SLC29A2: variants seen among roughly 807,000 people sequenced by gnomAD.
SLC29A2 encodes equilibrative nucleoside transporter 2.
SLC29A2 carries 37 observed loss-of-function variants against 48.8 expected under a neutral mutation model. The observed-to-expected ratio is 0.76, with a 90% CI of 0.58 to 1.00. The LOEUF (loss-of-function observed/expected upper bound fraction) is 1.00, where lower values mean the gene tolerates loss of function less well. Ranked by LOEUF, SLC29A2 falls within the 50% of genes least tolerant of loss-of-function variation. The probability of loss-of-function intolerance (pLI) is 0.00; values close to 1 mark genes in which losing one functional copy is unlikely to be tolerated. For synonymous variants in SLC29A2, 233 were observed against 261.7 expected (o/e 0.89, Z 1.06); for missense variants, 533 against 578.6 (o/e 0.92, Z 0.81).
chr11:66,362,793 C>T lies in SLC29A2; in HGVS notation c.*643G>A, dbSNP rs1010229948. The stretch of plus-strand genomic sequence containing the variant: ...ACTCCTTCCAAGAGCCTCAATTAGG[C>T]TTCGGTGAGAGAGTGGGTATGGAAG... On this transcript the variant is annotated 3_prime_UTR_variant, in exon 12 of 12. Transcript: ENST00000357440. 6.5e-6 allele frequency: 1 copy of T among 154,622 alleles called. No homozygotes were observed. The highest frequency in any genetic ancestry group is 6.3e-5 in the Admixed American group (1 of 15,754). 9.6% of individuals were successfully genotyped at this position (154,622 alleles called of 1,614,324 possible).
At chr11:66,363,582 G>T in intron 11 of SLC29A2, 35 bp from the exon 12 acceptor site, 2 of 1,525,584 alleles carry the variant, frequency 1.3e-6, no homozygotes, top group Non-Finnish European at 1.8e-6. Context: ...CTTAGAAAAT[G>T]CTGGGTCTAA....
chr11:66,364,659 C>T (rs1447634497), intron 10 of SLC29A2: 3 of 451,206 alleles, frequency 6.6e-6, no homozygotes, highest in South Asian at 3.0e-5. Flanking sequence ...CGCCTGCCAC[C>T]ACCATGCCCA....
In SLC29A2 at chr11:66,371,297, T is replaced by A; in HGVS notation, c.58A>T (p.Ile20Phe). The A allele has an allele frequency of 6.2e-7, 1 of 1,613,728 alleles. No homozygotes were observed. The highest frequency in any genetic ancestry group is 8.5e-7 in the Non-Finnish European group (1 of 1,179,952). Reference protein sequence around the residue: ...SYHLVGISFFILGLGTLLPWN... With the variant: ...SYHLVGISFFFLGLGTLLPWN... ...GGAAGGAGGGTGCCCAGCCCCAGGA[T>A]GAAGAAGCTGATCCCGACCAGGTGG... The change falls in exon 2 of 12, where the codon ATC becomes TTC. Residue 20 changes from isoleucine (I) to phenylalanine (F), a missense_variant. Coordinates refer to ENST00000357440, the MANE Select transcript of SLC29A2 (RefSeq NM_001532.3).
At position 66,366,103 on chromosome 11, in the gene SLC29A2, G is replaced by T. The variant is rs376368100; in HGVS notation, c.973+23C>A. On this transcript the variant is annotated intron_variant, in intron 9 of 11. Transcript: ENST00000357440. ...TCCCCTTTGTACCCCCTGCCCTGCC[G>T]TCTTCTCCACCCTGACACTCACTCC... 4 of 1,607,610 alleles carry T rather than the reference G, an allele frequency of 2.5e-6. 1 individual carries two copies.
At chr11:66,368,483 C>A in intron 5 of SLC29A2, 54 bp downstream of exon 5, 1 of 1,611,026 alleles carries the variant, frequency 6.2e-7, no homozygotes, top group Non-Finnish European at 8.5e-7. Flanking sequence ...TGCCCTCTCT[C>A]TTCCCCAAAC....
chr11:66,367,449 G>T lies in SLC29A2; in HGVS notation c.733+15C>A, dbSNP rs769173257. On this transcript the variant is annotated intron_variant, in intron 7 of 11. Transcript: ENST00000357440. ...TCTGCATCTCCCACCTCCCCAGGAG[G>T]GTCTCAGGGCTTACCAGACTGGAGG... The T allele has an allele frequency of 6.2e-7, 1 of 1,611,254 alleles. No homozygotes were observed. The highest frequency in any genetic ancestry group is 8.5e-7 in the Non-Finnish European group (1 of 1,177,416).
intron 10 of SLC29A2, 76 bp from the exon 11 acceptor site, chr11:66,364,500 GTAC>G: frequency 1.3e-5 from 12 of 930,228 alleles, no homozygotes; most frequent in South Asian, 5.0e-5. Flanking sequence ...CACCCATAGA[GTAC>G]TTTTTTTTTT....
chr11:66,371,123 A>G, intron 2 of SLC29A2, 121 bp downstream of exon 2: 2 of 833,186 alleles, frequency 2.4e-6, no homozygotes, highest in Non-Finnish European at 4.1e-6. Flanking sequence ...TCAGCCCATA[A>G]TGAGCTCAAC....
Position 66,371,340 on chromosome 11 carries a change from G to A in SLC29A2, c.30-15C>T. The A allele has an allele frequency of 6.2e-7, 1 of 1,612,982 alleles. No individual in the cohort carries two copies. Among genetic ancestry groups the A allele is most frequent in the East Asian group, 2.2e-5 (1 of 44,864 alleles). On this transcript the variant is annotated splice_polypyrimidine_tract_variant and intron_variant, in intron 1 of 11. Coordinates refer to ENST00000357440, the MANE Select transcript of SLC29A2 (RefSeq NM_001532.3). ...CCAGGTGGTAGCTGTGGGGATCGGT[G>A]GGAAGGTCACCCCGAGGACGCACCC...
At chr11:66,365,806 C>G (rs559125930) in intron 10 of SLC29A2, 130 bp downstream of exon 10, 7 of 877,056 alleles carry the variant, frequency 8.0e-6, no homozygotes, top group African/African-American at 3.3e-5. Context: ...CAAGTGCTCC[C>G]TGCTGCTTGG....
rs372854562 is a variant in SLC29A2, at chr11:66,364,789, G to A, written c.1060-365C>T. The A allele has an allele frequency of 7.8e-5, 16 of 205,450 alleles. No homozygotes were observed. The East Asian group carries it at 2.1e-3, about 27-fold the overall frequency. The allele number at this position is 205,450 out of a possible 1,614,324, so 12.7% of individuals were successfully genotyped here. A position where few individuals can be genotyped will look rare whatever the true frequency, so the allele number is the denominator to read the frequency against. ...CCCAAAGTGCTGGGATTACAGGCGT[G>A]AGCCACCATACCCGGCCTCTATTTT... On this transcript the variant is annotated intron_variant, in intron 10 of 11. Coordinates refer to ENST00000357440, the MANE Select transcript of SLC29A2 (RefSeq NM_001532.3).
chr11:66,368,821 C>T (rs1855859295), intron 4 of SLC29A2, 150 bp from the exon 5 acceptor site: 3 of 1,181,594 alleles, frequency 2.5e-6, no homozygotes, highest in African/African-American at 1.5e-5. Context: ...GGGGCAACAC[C>T]CGCTATTCAG....
intron 2 of SLC29A2, among the ~76,000 whole-genome samples, chr11:66,370,339 CCCCTCTTGCTCTCAAG>C (rs1221539891): frequency 6.6e-6 from 1 of 152,192 alleles, no homozygotes; most frequent in Admixed American, 6.5e-5. Flanking sequence ...GCTCTTTGGC[CCCCTCTTGCTCTCAAG>C]CCCAGGGGCT....
chr11:66,371,166 C>T (rs1856011051), intron 2 of SLC29A2, 78 bp downstream of exon 2: 3 of 1,355,902 alleles, frequency 2.2e-6, no homozygotes, highest in South Asian at 2.4e-5. Context: ...AGGAAGCGCC[C>T]GCTAAGCTTC....
At chr11:66,370,978 C>T (rs141593486) in intron 2 of SLC29A2, among the ~76,000 whole-genome samples, 1 of 151,914 alleles carries the variant, frequency 6.6e-6, no homozygotes, top group Admixed American at 6.6e-5. Context: ...TCAGGAATAA[C>T]GACACACAGA....
At chr11:66,367,708 C>T (rs2279862) in intron 6 of SLC29A2, 64 bp downstream of exon 6, 1,037,201 of 1,534,020 alleles carry the variant, frequency 0.68, 358,619 homozygotes, top group South Asian at 0.81. Context: ...CTCTCAGGGC[C>T]TCAGGCTCAG....
At chr11:66,364,200 C>G (rs780754778) in intron 11 of SLC29A2, 25 bp downstream of exon 11, 2 of 1,541,430 alleles carry the variant, frequency 1.3e-6, no homozygotes, top group South Asian at 2.3e-5. Context: ...CTCCCAGCCC[C>G]CCACCCCACC....
At chr11:66,364,828 T>TTGTGTGTG (rs55776036) in intron 10 of SLC29A2, 27 of 162,078 alleles carry the variant, frequency 1.7e-4, no homozygotes, top group Non-Finnish European at 2.2e-4. Context: ...CATTAAAAAT[T>TTGTGTGTG]TGTGTGTGTG....
chr11:66,369,307 AG>A (rs1855893578), intron 3 of SLC29A2, 61 bp downstream of exon 3: 3 of 1,567,620 alleles, frequency 1.9e-6, no homozygotes, highest in Non-Finnish European at 1.7e-6. Context: ...CAGGGGGCGC[AG>A]GGGAGGGCCT....
Sources: gnomAD v4.1 joint callset for allele counts (sites outside exome capture counted in the v4.1 genomes callset) on GRCh38, gnomAD v4.1.1 for gene constraint, MANE v1.5 for transcripts, NCBI Gene and HGNC (gene_info 2026-07-23, HGNC 2026-07-21) for gene names.